Variants in MSRA observed in about 807,000 individuals in gnomAD.
MSRA encodes mitochondrial peptide methionine sulfoxide reductase.
In MSRA, 54 loss-of-function variants were observed where a neutral mutation model predicts 31.3. The observed-to-expected ratio is 1.73, with a 90% confidence interval of 1.39 to 2.17. The LOEUF is 2.17. Ranked by LOEUF, MSRA falls within the 30% of genes most tolerant of loss-of-function variation. The pLI is 0.00. For missense variants in MSRA, 507 were observed against 300.9 expected, an observed-to-expected ratio of 1.69 and a Z score of -5.07; for synonymous variants, 169 against 116.5, an observed-to-expected ratio of 1.45 and a Z score of -2.90.
At chr8:10,104,966 A>G (rs180963083) in intron 1 of MSRA, among the ~76,000 whole-genome samples, 1 of 152,276 alleles carries the variant, frequency 6.6e-6, no homozygotes, top group East Asian at 1.9e-4. Context: ...CAGACTTTAA[A>G]ATTCTTGTCA....
chr8:10,319,740 A>G (rs1585457274), intron 4 of MSRA, 143 bp from the exon 5 acceptor site: 2 of 434,666 alleles, frequency 4.6e-6, no homozygotes, highest in East Asian at 7.1e-5. Context: ...TGCTGTAAAC[A>G]GAAAATTAAA....
intron 2 of MSRA, among the ~76,000 whole-genome samples, chr8:10,220,106 T>G (rs752122260): frequency 3.6e-4 from 55 of 152,336 alleles, no homozygotes; most frequent in South Asian, 1.2e-3. Context: ...CATTCTTATG[T>G]ACAGAGTCTT....
At chr8:10,077,762 G>GC (rs1325595746) in intron 1 of MSRA, among the ~76,000 whole-genome samples, 2 of 152,052 alleles carry the variant, frequency 1.3e-5, no homozygotes, top group Non-Finnish European at 2.9e-5. Context: ...CCTTCTGGAA[G>GC]CCCTCAGTGC....
chr8:10,166,624 C>A (rs1179808476), intron 1 of MSRA, among the ~76,000 whole-genome samples: 1 of 152,174 alleles, frequency 6.6e-6, no homozygotes, highest in Non-Finnish European at 1.5e-5. Context: ...TCTCATTCTT[C>A]AGCTTTGCAT....
At chr8:10,085,535 A>G (rs920941752) in intron 1 of MSRA, among the ~76,000 whole-genome samples, 5 of 152,210 alleles carry the variant, frequency 3.3e-5, no homozygotes, top group African/African-American at 1.2e-4. Context: ...TAGCCCCTTG[A>G]AGGCATGATA....
intron 1 of MSRA, among the ~76,000 whole-genome samples, chr8:10,096,603 C>T (rs1799172256): frequency 6.6e-6 from 1 of 152,116 alleles, no homozygotes; most frequent in Non-Finnish European, 1.5e-5. Flanking sequence ...ATTACTGTAG[C>T]CTGGCTCTCT....
chr8:10,258,378 G>T (rs1798293093), intron 3 of MSRA, among the ~76,000 whole-genome samples: 1 of 152,168 alleles, frequency 6.6e-6, no homozygotes, highest in South Asian at 2.1e-4. Context: ...CTGGCTAATT[G>T]GAAAGCAGGA....
At chr8:10,206,675 C>G (rs1055864873) in intron 1 of MSRA, among the ~76,000 whole-genome samples, 3 of 152,218 alleles carry the variant, frequency 2.0e-5, no homozygotes, top group African/African-American at 7.2e-5. Flanking sequence ...CCTTTGCAAA[C>G]CTGACTTCTC....
chr8:10,351,167 C>T, intron 5 of MSRA, among the ~76,000 whole-genome samples: 1 of 150,604 alleles, frequency 6.6e-6, no homozygotes. Context: ...CACGCTCATC[C>T]ATTCGAGTGA....
chr8:10,231,379 T>C (rs1471514098), intron 2 of MSRA, among the ~76,000 whole-genome samples: 1 of 152,210 alleles, frequency 6.6e-6, no homozygotes, highest in Non-Finnish European at 1.5e-5. Context: ...AAAATGGTGA[T>C]GCTGTGAAAA....
At chr8:10,071,694 T>G (rs988816986) in intron 1 of MSRA, among the ~76,000 whole-genome samples, 2 of 152,298 alleles carry the variant, frequency 1.3e-5, no homozygotes, top group African/African-American at 2.4e-5. Flanking sequence ...TGTTTCAGGT[T>G]GAGGTTGATG....
At chr8:10,280,710 C>G (rs774010106) in intron 3 of MSRA, among the ~76,000 whole-genome samples, 23 of 152,188 alleles carry the variant, frequency 1.5e-4, no homozygotes, top group Non-Finnish European at 2.9e-5. Context: ...CATACAAAAG[C>G]CTGTACACAA....
At chr8:10,090,760 C>A (rs1798812897) in intron 1 of MSRA, among the ~76,000 whole-genome samples, 1 of 152,196 alleles carries the variant, frequency 6.6e-6, no homozygotes, top group Non-Finnish European at 1.5e-5. Context: ...TTCTTCTGAA[C>A]CTTTCATATA....
intron 5 of MSRA, among the ~76,000 whole-genome samples, chr8:10,332,055 T>C (rs1802733839): frequency 6.6e-6 from 1 of 152,186 alleles, no homozygotes; most frequent in Non-Finnish European, 1.5e-5. Context: ...CAACCATAGT[T>C]ACAATATAGG....
intron 5 of MSRA, among the ~76,000 whole-genome samples, chr8:10,368,515 G>C (rs566397671): frequency 6.6e-6 from 1 of 152,196 alleles, no homozygotes; most frequent in Non-Finnish European, 1.5e-5. Flanking sequence ...CAGAGGGGCC[G>C]GGAGGCGACT....
intron 1 of MSRA, among the ~76,000 whole-genome samples, chr8:10,104,604 A>T (rs185119494): frequency 1.4e-3 from 217 of 152,266 alleles, no homozygotes; most frequent in African/African-American, 4.8e-3. Context: ...GGTTGTGGAG[A>T]CCAAGGTTTT....
intron 5 of MSRA, among the ~76,000 whole-genome samples, chr8:10,408,310 G>T (rs1007957241): frequency 3.9e-5 from 6 of 152,186 alleles, no homozygotes; most frequent in African/African-American, 1.4e-4. Flanking sequence ...GCTGAGACGG[G>T]CAGATCACTT....
intron 4 of MSRA, among the ~76,000 whole-genome samples, chr8:10,305,698 G>A (rs917777040): frequency 6.6e-6 from 1 of 152,122 alleles, no homozygotes; most frequent in African/African-American, 2.4e-5. Flanking sequence ...AGGCCACAAG[G>A]CATGAACCAC....
At chr8:10,405,927 C>G (rs761562954) in intron 5 of MSRA, among the ~76,000 whole-genome samples, 1 of 152,272 alleles carries the variant, frequency 6.6e-6, no homozygotes, top group Non-Finnish European at 1.5e-5. Flanking sequence ...CACACACATG[C>G]TCACATGTGC....
Sources: allele counts gnomAD v4.1 joint callset (sites outside exome capture counted in the v4.1 genomes callset), GRCh38; gene constraint gnomAD v4.1.1; transcripts MANE v1.5; gene names NCBI Gene and HGNC (gene_info 2026-07-23, HGNC 2026-07-21).